The following PLAGL1 variants were observed in gnomAD, a reference collection of about 807,000 sequenced individuals.
The protein encoded by PLAGL1 is PLAG1 like zinc finger 1, also known as zinc finger protein PLAGL1.
PLAGL1 carries 1 observed loss-of-function variant against 4.6 expected under a neutral mutation model. That is an observed-to-expected ratio of 0.22 (90% CI 0.08 to 1.03). The LOEUF is 1.03. Among genes scored for constraint, PLAGL1 ranks in the 50% least tolerant of loss-of-function variants. The probability of loss-of-function intolerance (pLI) is 0.58; values close to 1 mark genes in which losing one functional copy is unlikely to be tolerated. For missense variants in PLAGL1, 464 were observed against 570.4 expected, an observed-to-expected ratio of 0.81 and a Z score of 1.90; for synonymous variants, 240 against 237.8, an observed-to-expected ratio of 1.01 and a Z score of -0.08.
Position 143,964,854 on chromosome 6 carries a change from G to T in PLAGL1, c.-430-36C>A, listed in dbSNP as rs17847329. On this transcript the variant is annotated intron_variant, in intron 4 of 7. Coordinates refer to ENST00000674357, the MANE Select transcript of PLAGL1 (RefSeq NM_001317162.2). This position sits in a 1 kb window ranked among gnomAD's most constrained non-coding sequence, Gnocchi z 4.3. ...AGAGACACACAAAGTTATCTTTAAG[G>T]TCTTTATCTTGAGCTCTGAATTGCT... 1.3e-5 allele frequency: 2 copies of T among 152,184 alleles called. No homozygotes were observed. The highest frequency in any genetic ancestry group is 3.8e-4 in the East Asian group (2 of 5,196). 9.4% of individuals were successfully genotyped at this position (152,184 alleles called of 1,614,324 possible). A position where few individuals can be genotyped will look rare whatever the true frequency, so the allele number is the denominator to read the frequency against.
rs184122791 is a variant in PLAGL1, at chr6:143,963,328, G to A, written c.-399+1459C>T. On this transcript the variant is annotated intron_variant, in intron 5 of 7. Transcript: ENST00000674357. This position sits in a 1 kb window ranked among gnomAD's most constrained non-coding sequence, Gnocchi z 6.1. ...CATCTACCTCCCTCCCGCAGCTCTC[G>A]GGATACCTTGCAGTGCCCCTTCAAG... Among the ~76,000 whole-genome samples the A allele has an allele frequency of 8.3e-4, 126 of 152,224 alleles. No homozygotes were observed. Among genetic ancestry groups the A allele is most frequent in the Non-Finnish European group, 1.3e-3 (89 of 68,014 alleles).
rs577473588 is a variant in PLAGL1 at position 144,054,585 on chromosome 6, C to T, written c.-151+9883G>A. 7.9e-5 allele frequency among the ~76,000 whole-genome samples: 12 copies of T among 152,212 alleles called. No homozygotes were observed. The East Asian group carries it at 2.3e-3, about 29-fold the overall frequency. ...GACAGAGAGAGGGCAACAACACACACTGTGGCCTGTCAGGGGTCGGAGGCG... is the reference window on the plus strand; with the variant it reads ...GACAGAGAGAGGGCAACAACACACATTGTGGCCTGTCAGGGGTCGGAGGCG... On this transcript the variant is annotated intron_variant, in intron 1 of 3. Coordinates refer to the PLAGL1 transcript ENST00000437412.
rs566163092 is a variant in PLAGL1, at chr6:144,003,766, G to T, written c.-584+4324C>A. ...AAAGGTAACCTAATTTTTAAAAAAT[G>T]GGCAAAATATTTCAATAGGCAGGTG... On this transcript the variant is annotated intron_variant, in intron 1 of 7. Coordinates refer to ENST00000674357, the MANE Select transcript of PLAGL1 (RefSeq NM_001317162.2). Among the ~76,000 whole-genome samples, 3 of 152,126 alleles carry T rather than the reference G, an allele frequency of 2.0e-5. No individual in the cohort carries two copies. The South Asian group carries it at 6.2e-4, about 32-fold the overall frequency.
rs1223907335 is a variant in PLAGL1 at position 143,965,511 on chromosome 6, G to T, written c.-431+647C>A. Reference sequence around the variant, plus strand: ...GAGAAGATGACCTGGGAAAGGAGTTGCCCAGGGAGCAAGTGCCCTGTTGCA... The same window carrying T: ...GAGAAGATGACCTGGGAAAGGAGTTTCCCAGGGAGCAAGTGCCCTGTTGCA... On this transcript the variant is annotated intron_variant, in intron 4 of 7. Transcript: ENST00000674357. The surrounding 1 kb of genome is among the most constrained non-coding windows in gnomAD (Gnocchi z 7.5). 6.6e-6 allele frequency: 1 copy of T among 152,206 alleles called. No homozygotes were observed. The highest frequency in any genetic ancestry group is 1.5e-5 in the Non-Finnish European group (1 of 68,060). 9.4% of individuals were successfully genotyped at this position (152,206 alleles called of 1,614,324 possible). A position where few individuals can be genotyped will look rare whatever the true frequency, so the allele number is the denominator to read the frequency against.
chr6:143,985,510 A>C lies in PLAGL1; in HGVS notation c.-583-336T>G, dbSNP rs928513883. Reference sequence around the variant, plus strand: ...TGTTGCCCTTTTACAATCACACACCACCTCCTTTGCCAAAATCTCTTTCTG... The same window carrying C: ...TGTTGCCCTTTTACAATCACACACCCCCTCCTTTGCCAAAATCTCTTTCTG... On this transcript the variant is annotated intron_variant, in intron 1 of 7. Transcript: ENST00000674357. The surrounding 1 kb of genome is among the most constrained non-coding windows in gnomAD (Gnocchi z 4.4). Among the ~76,000 whole-genome samples the C allele has an allele frequency of 6.6e-6, 1 of 151,922 alleles. No homozygotes were observed. Among genetic ancestry groups the C allele is most frequent in the Non-Finnish European group, 1.5e-5 (1 of 67,966 alleles).
At chr6:144,019,335 G>C (rs1374759862) in intron 1 of PLAGL1, among the ~76,000 whole-genome samples, 1 of 152,054 alleles carries the variant, frequency 6.6e-6, no homozygotes, top group Admixed American at 6.5e-5. Flanking sequence ...GGCCAGGCAT[G>C]GTGGTGGGCG....
intron 2 of PLAGL1, among the ~76,000 whole-genome samples, chr6:143,977,370 G>A (rs1489118643): frequency 6.6e-6 from 1 of 150,934 alleles, no homozygotes; most frequent in Non-Finnish European, 1.5e-5. Flanking sequence ...TTTTGAGACT[G>A]GCTTCTTTTA....
chr6:143,980,507 G>C (rs1165662139), intron 2 of PLAGL1, among the ~76,000 whole-genome samples: 1 of 151,490 alleles, frequency 6.6e-6, no homozygotes, highest in Non-Finnish European at 1.5e-5. Context: ...AATGTCTAGA[G>C]GTCTAGAAGT....
At chr6:144,013,137 G>GA (rs1795305723), upstream of PLAGL1, among the ~76,000 whole-genome samples, 1 of 152,162 alleles carries the variant, frequency 6.6e-6, no homozygotes, top group Non-Finnish European at 1.5e-5. The surrounding 1 kb of genome is among the most constrained non-coding windows in gnomAD (Gnocchi z 4.4). Context: ...AGTATTTGGA[G>GA]ATTCCATTTT....
rs990306085 is a variant in PLAGL1, at chr6:144,059,001, T to C, written c.-151+5467A>G. On this transcript the variant is annotated intron_variant, in intron 1 of 3. Transcript: ENST00000437412. This position sits in a 1 kb window ranked among gnomAD's most constrained non-coding sequence, Gnocchi z 4.9. ...ACTAGGTAGTGCCCTGGGGGTACTC[T>C]GTGTGGTGGCTCCAGCCCCACATTT... Among the ~76,000 whole-genome samples, 1 of 152,250 alleles carries C rather than the reference T, an allele frequency of 6.6e-6. No homozygotes were observed. The highest frequency in any genetic ancestry group is 6.5e-5 in the Admixed American group (1 of 15,290).
Position 143,989,454 on chromosome 6 carries a change from C to G in PLAGL1, c.-583-4280G>C, listed in dbSNP as rs2128627068. Among the ~76,000 whole-genome samples the G allele has an allele frequency of 6.6e-6, 1 of 152,262 alleles. No homozygotes were observed. The highest frequency in any genetic ancestry group is 2.4e-5 in the African/African-American group (1 of 41,570). On this transcript the variant is annotated intron_variant, in intron 1 of 7. Transcript: ENST00000674357. The surrounding 1 kb of genome is among the most constrained non-coding windows in gnomAD (Gnocchi z 4.8). ...CAATCCACTGAGGGCCCGAATAGAA[C>G]AAAAAGGTGGAAGGAGGAGGAATTC...
chr6:144,052,024 A>G (rs1353338463), intron 1 of PLAGL1, among the ~76,000 whole-genome samples: 2 of 152,192 alleles, frequency 1.3e-5, no homozygotes, highest in African/African-American at 4.8e-5. Flanking sequence ...TGTGAGATTT[A>G]TTTTTATTTT....
intron 1 of PLAGL1, among the ~76,000 whole-genome samples, chr6:144,047,216 C>A (rs569828375): frequency 1.3e-5 from 2 of 152,212 alleles, no homozygotes; most frequent in Admixed American, 1.3e-4. Context: ...ACTGTCCAAC[C>A]AGTCCCAGTG....
rs942591611 is a variant in PLAGL1 at position 143,978,574 on chromosome 6, T to C, written c.-544+6561A>G. On this transcript the variant is annotated intron_variant, in intron 2 of 7. Coordinates refer to ENST00000674357, the MANE Select transcript of PLAGL1 (RefSeq NM_001317162.2). The surrounding 1 kb of genome is among the most constrained non-coding windows in gnomAD (Gnocchi z 4.6). Reference sequence around the variant, plus strand: ...TTTAAATTTGTTAAGATGTTTTCAATGTCTCAGGATGTGCCCCTGGGTTAT... The same window carrying C: ...TTTAAATTTGTTAAGATGTTTTCAACGTCTCAGGATGTGCCCCTGGGTTAT... 1.3e-5 allele frequency among the ~76,000 whole-genome samples: 2 copies of C among 152,196 alleles called. No individual in the cohort carries two copies. The highest frequency in any genetic ancestry group is 2.9e-5 in the Non-Finnish European group (2 of 68,018).
Position 143,941,598 on chromosome 6 carries a change from C to T in PLAGL1, c.1218G>A (p.Gly406=), listed in dbSNP as rs765442934. Residue 406 remains glycine, a synonymous_variant, in exon 8 of 8, where the codon GGG becomes GGA. Transcript: ENST00000674357. This position sits in a 1 kb window ranked among gnomAD's most constrained non-coding sequence, Gnocchi z 6.0. ...ACCTGTGGGGCAAAGATTCCCCAGG[C>T]CCCAGGGCAAGAGTGCTATTCCCAA... ...NTFGNSTLAL[G]PGESLPHRLS... 15 of 1,611,610 alleles carry T rather than the reference C, an allele frequency of 9.3e-6. No individual in the cohort carries two copies. In the African/African-American group the frequency reaches 1.2e-4, roughly 13 times the overall value.
chr6:144,017,106 G>A (rs1262292946), intron 1 of PLAGL1, among the ~76,000 whole-genome samples: 1 of 152,042 alleles, frequency 6.6e-6, no homozygotes, highest in Non-Finnish European at 1.5e-5. Context: ...AAATCTTTTA[G>A]TGTGTTCAAC....
In PLAGL1 at chr6:143,953,002, G is replaced by C. The variant is rs768124955; in HGVS notation, c.-324-4542C>G. 6.6e-6 allele frequency among the ~76,000 whole-genome samples: 1 copy of C among 152,218 alleles called. No homozygotes were observed. Among genetic ancestry groups the C allele is most frequent in the Non-Finnish European group, 1.5e-5 (1 of 68,038 alleles). On this transcript the variant is annotated intron_variant, in intron 6 of 7. Coordinates refer to ENST00000674357, the MANE Select transcript of PLAGL1 (RefSeq NM_001317162.2). This position sits in a 1 kb window ranked among gnomAD's most constrained non-coding sequence, Gnocchi z 5.3. ...TGCAGACCTCACTCCCATCATGGCC[G>C]GAAGGCAAGGCCAAGGATCACTCCA...
intron 7 of PLAGL1, among the ~76,000 whole-genome samples, chr6:143,946,152 G>A (rs1348107360): frequency 1.3e-5 from 2 of 152,176 alleles, no homozygotes; most frequent in Non-Finnish European, 2.9e-5. Flanking sequence ...GGTATACACA[G>A]GTTTCACACC....
Position 144,064,184 on chromosome 6 carries a change from G to A in PLAGL1, c.-151+284C>T, listed in dbSNP as rs1322065574. On this transcript the variant is annotated intron_variant, in intron 1 of 3. Transcript: ENST00000437412. The surrounding 1 kb of genome is among the most constrained non-coding windows in gnomAD (Gnocchi z 6.8). ...GGCCCGCCCTCCGCCCAGCGCAGAA[G>A]CGAAGAGCTGCAGACGACGGAGAAA... is the stretch of plus-strand genomic sequence containing the variant. 6.6e-6 allele frequency among the ~76,000 whole-genome samples: 1 copy of A among 152,008 alleles called. No individual in the cohort carries two copies. Among genetic ancestry groups the A allele is most frequent in the Non-Finnish European group, 1.5e-5 (1 of 67,970 alleles).
Sources: allele counts gnomAD v4.1 joint callset (sites outside exome capture counted in the v4.1 genomes callset), GRCh38; gene constraint gnomAD v4.1.1; non-coding constraint Gnocchi (gnomAD v3.1); transcripts MANE v1.5; gene names NCBI Gene and HGNC (gene_info 2026-07-23, HGNC 2026-07-21).